The following GNAO1 variants were observed in gnomAD, a reference collection of about 807,000 sequenced individuals.
GNAO1 encodes the protein guanine nucleotide-binding protein G(o) subunit alpha.
For missense variants in GNAO1, 166 were observed against 478.7 expected (o/e 0.35, Z 6.10); for synonymous variants, 164 against 180.7 (o/e 0.91, Z 0.74).
chr16:56,324,679 G>A (rs1393393897), intron 3 of GNAO1, among the ~76,000 whole-genome samples: 1 of 152,246 alleles, frequency 6.6e-6, no homozygotes, highest in African/African-American at 2.4e-5. Flanking sequence ...TGGCTTTCCA[G>A]GTCACTGCTG....
chr16:56,230,600 C>T (rs560711821), intron 2 of GNAO1, among the ~76,000 whole-genome samples: 21 of 152,118 alleles, frequency 1.4e-4, no homozygotes, highest in African/African-American at 3.9e-4. Flanking sequence ...GTATGTGAAA[C>T]GGACCACTGA....
At chr16:56,328,912 T>A in intron 4 of GNAO1, 121 bp downstream of exon 4, 4 of 930,328 alleles carry the variant, frequency 4.3e-6, no homozygotes, top group South Asian at 1.6e-5. Flanking sequence ...TGCCGGGAGA[T>A]GTTCTCCCAT....
chr16:56,291,196 GT>G (rs2037229239), intron 3 of GNAO1, among the ~76,000 whole-genome samples: 1 of 152,180 alleles, frequency 6.6e-6, no homozygotes. Flanking sequence ...CCATCAAACT[GT>G]TTTCCAAAGT....
chr16:56,310,844 T>G (rs1163892109), intron 3 of GNAO1, among the ~76,000 whole-genome samples: 1 of 152,088 alleles, frequency 6.6e-6, no homozygotes, highest in East Asian at 1.9e-4. Flanking sequence ...TGGGTGGCTC[T>G]CCTCCACACA....
intron 2 of GNAO1, among the ~76,000 whole-genome samples, chr16:56,264,115 C>A (rs1184206864): frequency 6.6e-6 from 1 of 152,264 alleles, no homozygotes; most frequent in Non-Finnish European, 1.5e-5. Flanking sequence ...GGGGGAGCCC[C>A]AGGCCAGGGC....
intron 6 of GNAO1, among the ~76,000 whole-genome samples, chr16:56,343,211 G>A (rs559104639): frequency 3.3e-5 from 5 of 151,958 alleles, no homozygotes; most frequent in Admixed American, 1.3e-4. Flanking sequence ...GTGATTGGCC[G>A]GGCACAATGG....
chr16:56,346,502 C>A (rs560808527), intron 6 of GNAO1: 12 of 985,334 alleles, frequency 1.2e-5, no homozygotes, highest in African/African-American at 1.7e-5. Context: ...TGACCTGCGC[C>A]GCTGACCATC....
chr16:56,197,454 T>C (rs964424553), intron 2 of GNAO1, among the ~76,000 whole-genome samples: 6 of 152,196 alleles, frequency 3.9e-5, no homozygotes, highest in East Asian at 1.9e-4. Context: ...TACTGTGCAC[T>C]GAGCTGTAAA....
chr16:56,222,991 T>G (rs1277233736), intron 2 of GNAO1, among the ~76,000 whole-genome samples: 1 of 152,202 alleles, frequency 6.6e-6, no homozygotes, highest in Non-Finnish European at 1.5e-5. Flanking sequence ...AGCACCCAGC[T>G]CCAGCACCTT....
At chr16:56,232,787 T>C (rs2036602688) in intron 2 of GNAO1, among the ~76,000 whole-genome samples, 1 of 152,186 alleles carries the variant, frequency 6.6e-6, no homozygotes, top group Non-Finnish European at 1.5e-5. Context: ...CAAAAGGGGT[T>C]GGGGTGAAGC....
intron 2 of GNAO1, among the ~76,000 whole-genome samples, chr16:56,254,525 T>G (rs1344599743): frequency 6.6e-6 from 1 of 152,190 alleles, no homozygotes; most frequent in African/African-American, 2.4e-5. Context: ...AGTATCTGCT[T>G]GCCTATGCAT....
At chr16:56,217,653 G>A (rs2036447940) in intron 2 of GNAO1, among the ~76,000 whole-genome samples, 2 of 152,172 alleles carry the variant, frequency 1.3e-5, no homozygotes, top group Non-Finnish European at 2.9e-5. Context: ...TTAGATGTAA[G>A]ATTATTTAAT....
chr16:56,192,614 G>A lies in GNAO1; in HGVS notation c.159G>A (p.Met53Ile). Reference sequence around the variant, plus strand: ...GAAAAAGCACCATTGTGAAGCAGATGAAGTAAGTCCCTGTGGCATTGGGAT... The same window carrying A: ...GAAAAAGCACCATTGTGAAGCAGATAAAGTAAGTCCCTGTGGCATTGGGAT... ...ESGKSTIVKQ[M>I]KIIHEDGFSG... The change falls in exon 2 of 9, where the codon ATG becomes ATA. Residue 53 changes from methionine (M) to isoleucine (I), a missense_variant and splice_region_variant. Met to Ile is a conservative substitution (Grantham distance 10). Transcript: ENST00000262493. 1.3e-6 allele frequency: 2 copies of A among 1,582,660 alleles called. No homozygotes were observed. Among genetic ancestry groups the A allele is most frequent in the Non-Finnish European group, 1.7e-6 (2 of 1,151,814 alleles).
At chr16:56,289,447 G>A (rs74020904) in intron 3 of GNAO1, among the ~76,000 whole-genome samples, 2,189 of 152,272 alleles carry the variant, frequency 0.014, 40 homozygotes, top group African/African-American at 0.048. Flanking sequence ...CATGGGCCAC[G>A]GAGCCATCGG....
chr16:56,233,165 A>T (rs577099214), intron 2 of GNAO1, among the ~76,000 whole-genome samples: 1 of 152,218 alleles, frequency 6.6e-6, no homozygotes, highest in African/African-American at 2.4e-5. Flanking sequence ...TTTGAGGATT[A>T]TATGAGATCT....
chr16:56,277,213 G>A (rs1478565724), intron 3 of GNAO1, among the ~76,000 whole-genome samples: 1 of 152,206 alleles, frequency 6.6e-6, no homozygotes, highest in Non-Finnish European at 1.5e-5. Context: ...GGAGAAGCTG[G>A]GCACTAGCAG....
At position 56,334,495 on chromosome 16, in the gene GNAO1, G is replaced by A. The variant is rs55826209; in HGVS notation, c.465-234G>A. On this transcript the variant is annotated intron_variant, in intron 4 of 8. Transcript: ENST00000262493. Reference sequence around the variant, plus strand: ...AAGCTTGATCTTGTCTGAGTGTCCCGGGAGCTGCATGCGTAGCCCTTTTGG... The same window carrying A: ...AAGCTTGATCTTGTCTGAGTGTCCCAGGAGCTGCATGCGTAGCCCTTTTGG... Among the ~76,000 whole-genome samples the A allele has an allele frequency of 0.014, 2,166 of 152,232 alleles. 20 individuals carry two copies. Among genetic ancestry groups the A allele is most frequent in the Middle Eastern group, 0.031 (9 of 294 alleles).
chr16:56,321,229 C>G (rs1357710087), intron 3 of GNAO1, among the ~76,000 whole-genome samples: 1 of 152,158 alleles, frequency 6.6e-6, no homozygotes, highest in Non-Finnish European at 1.5e-5. Flanking sequence ...ACCAACCAAA[C>G]AAACAAACAA....
chr16:56,194,218 A>C (rs1384382372), intron 2 of GNAO1: 4 of 456,590 alleles, frequency 8.8e-6, no homozygotes, highest in Admixed American at 2.3e-5. Flanking sequence ...CTTCTGAGCC[A>C]GGGGTAATTT....
Sources: allele counts gnomAD v4.1 joint callset (sites outside exome capture counted in the v4.1 genomes callset), GRCh38; gene constraint gnomAD v4.1.1; transcripts MANE v1.5; gene names NCBI Gene and HGNC (gene_info 2026-07-23, HGNC 2026-07-21).